The following ALPK2 variants were observed in gnomAD, a reference collection of about 807,000 sequenced individuals.
The protein encoded by ALPK2 is alpha-protein kinase 2.
ALPK2 carries 127 observed loss-of-function variants against 163.1 expected under a neutral mutation model. That is an observed-to-expected ratio of 0.78 (90% confidence interval 0.67 to 0.90). The LOEUF (loss-of-function observed/expected upper bound fraction) is 0.90, where lower values mean the gene tolerates loss of function less well. Among genes scored for constraint, ALPK2 ranks in the 40% least tolerant of loss-of-function variants. The pLI is 0.00. For missense variants in ALPK2, 2,360 were observed against 2,589.6 expected (o/e 0.91, Z 1.92); for synonymous variants, 953 against 959.1 (o/e 0.99, Z 0.12).
chr18:58,560,161 C>A (rs1004788914), intron 4 of ALPK2, among the ~76,000 whole-genome samples: 9 of 152,190 alleles, frequency 5.9e-5, no homozygotes, highest in African/African-American at 1.9e-4. Flanking sequence ...GGGGGCAGTT[C>A]TTTCCCGCAC....
intron 10 of ALPK2, among the ~76,000 whole-genome samples, chr18:58,513,810 G>A (rs2051506978): frequency 6.6e-6 from 1 of 152,144 alleles, no homozygotes; most frequent in African/African-American, 2.4e-5. Context: ...GGTCAAGGCT[G>A]CAGTGAGCCG....
chr18:58,546,395 G>C (rs957262655), intron 4 of ALPK2, among the ~76,000 whole-genome samples: 1 of 152,144 alleles, frequency 6.6e-6, no homozygotes, highest in Non-Finnish European at 1.5e-5. Flanking sequence ...GAGTTCAGTG[G>C]GAGTCTTTGC....
Position 58,535,715 on chromosome 18 carries a change from A to G in ALPK2, c.4472T>C (p.Ile1491Thr). The stretch of plus-strand genomic sequence containing the variant: ...TTCGCTGGGTTGCAGGACTTGCCAA[A>G]TGGCAGTTTTTGCCTCCTCAGGTTG... Reference protein sequence around the residue: ...QIQPEEAKTAIWQVLQPSEGG... With the variant: ...QIQPEEAKTATWQVLQPSEGG... Residue 1491 changes from isoleucine to threonine, a missense_variant, in exon 5 of 13, where the codon ATT becomes ACT. Ile to Thr is a moderately conservative substitution (Grantham distance 89). Transcript: ENST00000361673. The G allele has an allele frequency of 1.2e-6, 2 of 1,614,242 alleles. No homozygotes were observed. The highest frequency in any genetic ancestry group is 8.5e-7 in the Non-Finnish European group (1 of 1,180,038).
In ALPK2 at chr18:58,481,667, G is replaced by T. The variant is rs1241166595; in HGVS notation, c.*156C>A. ...TGAAATCATTTGAGTGAAGACAGCA[G>T]GTGATGGGTTTAGAAGCATCTTGGC... On this transcript the variant is annotated 3_prime_UTR_variant, in exon 13 of 13. Transcript: ENST00000361673. The T allele has an allele frequency of 4.7e-6, 3 of 635,356 alleles. No homozygotes were observed. The highest frequency in any genetic ancestry group is 8.5e-6 in the Non-Finnish European group (3 of 354,782). The allele number at this position is 635,356 out of a possible 1,614,324, so 39.4% of individuals were successfully genotyped here.
At chr18:58,623,385 A>G (rs746885837) in intron 1 of ALPK2, among the ~76,000 whole-genome samples, 1 of 152,032 alleles carries the variant, frequency 6.6e-6, no homozygotes, top group Non-Finnish European at 1.5e-5. Context: ...TCTAGTAAAT[A>G]AAGTGTGCCT....
rs544388933 is a variant in ALPK2, at chr18:58,514,098, C to A, written c.6029+895G>T. On this transcript the variant is annotated intron_variant, in intron 10 of 12. Transcript: ENST00000361673. ...CAGTTCCCATATCATGAAAGCTTAA[C>A]TCAGTCCAGATGGCTGTCTGTGTAA... Among the ~76,000 whole-genome samples the A allele has an allele frequency of 3.9e-5, 6 of 152,294 alleles. No homozygotes were observed. In the South Asian group the frequency reaches 1.0e-3, roughly 26 times the overall value.
chr18:58,516,226 G>GA (rs111886768), intron 9 of ALPK2, among the ~76,000 whole-genome samples: 43,366 of 135,862 alleles, frequency 0.32, 6,363 homozygotes, highest in Admixed American at 0.37. Flanking sequence ...TCTCAAAAAA[G>GA]AAAAAAAAAA....
At position 58,573,209 on chromosome 18, in the gene ALPK2, T is replaced by C. The variant is rs2051895145; in HGVS notation, c.1962+5605A>G. 2.8e-5 allele frequency among the ~76,000 whole-genome samples: 4 copies of C among 142,082 alleles called. No homozygotes were observed. The South Asian group carries it at 8.7e-4, about 31-fold the overall frequency. The allele number at this position is 142,082 out of a possible 152,430, so 93.2% of individuals were successfully genotyped here. On this transcript the variant is annotated intron_variant, in intron 4 of 12. Coordinates refer to ENST00000361673, the MANE Select transcript of ALPK2 (RefSeq NM_052947.4). ...ATGTATATGTGTATATATATGTGTA[T>C]ATATGTATATATATGTGTATATGTG...
intron 2 of ALPK2, among the ~76,000 whole-genome samples, chr18:58,610,883 T>A (rs1043348227): frequency 6.7e-6 from 1 of 150,036 alleles, no homozygotes. Context: ...CCACCTGAGG[T>A]CAGGAGTTCA....
Position 58,573,336 on chromosome 18 carries a change from GTA to G in ALPK2, c.1962+5476_1962+5477del, listed in dbSNP as rs1296648521. Among the ~76,000 whole-genome samples the G allele has an allele frequency of 4.6e-3, 499 of 108,454 alleles. 2 individuals carry two copies. The highest frequency in any genetic ancestry group is 0.015 in the African/African-American group (457 of 31,496). 71.2% of individuals were successfully genotyped at this position (108,454 alleles called of 152,430 possible). On this transcript the variant is annotated intron_variant, in intron 4 of 12. Transcript: ENST00000361673. Reference sequence around the variant, plus strand: ...TATGTGTGTATATATGTATATATGTGTATATATATGTATATATATATGTGTGT... The same window carrying G: ...TATGTGTGTATATATGTATATATGTGTATATATGTATATATATATGTGTGT...
intron 4 of ALPK2, among the ~76,000 whole-genome samples, chr18:58,561,852 C>A (rs536609977): frequency 6.6e-6 from 1 of 152,232 alleles, no homozygotes; most frequent in Non-Finnish European, 1.5e-5. Context: ...ACTTCACCTG[C>A]AGCTGCAGGG....
At chr18:58,590,299 A>G (rs77030906) in intron 3 of ALPK2, among the ~76,000 whole-genome samples, 2,021 of 151,848 alleles carry the variant, frequency 0.013, 28 homozygotes, top group South Asian at 0.027. Flanking sequence ...CACCACAGGC[A>G]TTCCATTTTA....
intron 3 of ALPK2, among the ~76,000 whole-genome samples, chr18:58,598,028 G>A (rs1405596741): frequency 6.6e-6 from 1 of 152,250 alleles, no homozygotes; most frequent in Non-Finnish European, 1.5e-5. Context: ...CCAGGACGGT[G>A]AGAAAGAAAC....
At chr18:58,539,544 G>A (rs1369390582) in intron 4 of ALPK2, among the ~76,000 whole-genome samples, 1 of 152,188 alleles carries the variant, frequency 6.6e-6, no homozygotes, top group Non-Finnish European at 1.5e-5. Flanking sequence ...TCCAGCCAAG[G>A]AGAAGAAAAT....
At chr18:58,602,646 G>A (rs184707354) in intron 3 of ALPK2, among the ~76,000 whole-genome samples, 4 of 152,230 alleles carry the variant, frequency 2.6e-5, no homozygotes, top group African/African-American at 9.6e-5. Context: ...CCTGTCAGAG[G>A]TGTTTGAACC....
intron 3 of ALPK2, among the ~76,000 whole-genome samples, chr18:58,594,457 T>A (rs1262243922): frequency 1.3e-5 from 2 of 152,102 alleles, no homozygotes; most frequent in Non-Finnish European, 2.9e-5. Context: ...TGTGACAATA[T>A]ACCAAAACAA....
rs767790566 is a variant in ALPK2, at chr18:58,535,028, C to T, written c.5159G>A (p.Ser1720Asn). Residue 1720 changes from serine (S) to asparagine (N), a missense_variant, in exon 5 of 13, where the codon AGT becomes AAT. Physicochemically the swap from Ser to Asn is conservative, Grantham distance 46. Coordinates refer to ENST00000361673, the MANE Select transcript of ALPK2 (RefSeq NM_052947.4). ...CTTTACTCCCTCAGCTAAATGTCCA[C>T]TGCCTGGGGCTTCTGGCTTCCTCTT... is the stretch of plus-strand genomic sequence containing the variant. ...EVKRKPEAPG[S>N]GHLAEGVKKK... 2.5e-6 allele frequency: 4 copies of T among 1,614,180 alleles called. No individual in the cohort carries two copies. Among genetic ancestry groups the T allele is most frequent in the Admixed American group, 1.7e-5 (1 of 60,028 alleles).
intron 5 of ALPK2, among the ~76,000 whole-genome samples, chr18:58,531,791 A>T (rs2051616319): frequency 6.6e-6 from 1 of 151,764 alleles, no homozygotes; most frequent in Non-Finnish European, 1.5e-5. Flanking sequence ...TACAAAAATT[A>T]GCTGGGCATG....
chr18:58,522,225 G>A (rs560484018), intron 8 of ALPK2, among the ~76,000 whole-genome samples: 13 of 152,314 alleles, frequency 8.5e-5, no homozygotes, highest in African/African-American at 3.1e-4. Context: ...CCTGAGAGCT[G>A]ATGACGGGCG....
Sources: gnomAD v4.1 joint callset for allele counts (sites outside exome capture counted in the v4.1 genomes callset) on GRCh38, gnomAD v4.1.1 for gene constraint, MANE v1.5 for transcripts, NCBI Gene and HGNC (gene_info 2026-07-23, HGNC 2026-07-21) for gene names.